DNAH8: variants seen among roughly 807,000 people sequenced by gnomAD.
DNAH8 encodes the protein dynein axonemal heavy chain 8.
Under a neutral mutation model 562.1 loss-of-function variants are expected in DNAH8, and 382 were observed. That is an observed-to-expected ratio of 0.68 (90% confidence interval 0.63 to 0.74). DNAH8 has a LOEUF of 0.74. Among genes scored for constraint, DNAH8 ranks in the 30% least tolerant of loss-of-function variants. The pLI is 0.00. For missense variants in DNAH8, 5,203 were observed against 5,620.4 expected (o/e 0.93, Z 2.37); for synonymous variants, 1,881 against 1,919.4 (o/e 0.98, Z 0.52).
chr6:38,848,912 T>C, intron 37 of DNAH8, 111 bp downstream of exon 37: 1 of 1,040,046 alleles, frequency 9.6e-7, no homozygotes, highest in Non-Finnish European at 1.4e-6. Flanking sequence ...ATGATGGGGT[T>C]TGGCAAACTA....
intron 67 of DNAH8, 145 bp downstream of exon 67, chr6:38,914,097 T>A: frequency 1.6e-6 from 1 of 621,158 alleles, no homozygotes; most frequent in Non-Finnish European, 2.8e-6. Context: ...CATTAGACAT[T>A]TTTGTTTAAC....
intron 62 of DNAH8, among the ~76,000 whole-genome samples, chr6:38,901,870 G>A (rs562838402): frequency 6.6e-6 from 1 of 152,162 alleles, no homozygotes; most frequent in South Asian, 2.1e-4. Context: ...TTTAAAAATC[G>A]GGAGGTTTCA....
In DNAH8 at chr6:38,715,427, G is replaced by C. The variant is rs984571000; in HGVS notation, c.-35+12G>C. ...CCAGAGAGCGGCTGGTGAGTACTTG[G>C]TCGGAGCGCGCTGTGAGCGCCCGGC... is the stretch of plus-strand genomic sequence containing the variant. On this transcript the variant is annotated intron_variant, in intron 1 of 92. Coordinates refer to ENST00000327475, the MANE Select transcript of DNAH8 (RefSeq NM_001206927.2). 1.3e-5 allele frequency: 2 copies of C among 152,372 alleles called. No homozygotes were observed. Among genetic ancestry groups the C allele is most frequent in the Non-Finnish European group, 2.9e-5 (2 of 68,152 alleles). 9.4% of individuals were successfully genotyped at this position (152,372 alleles called of 1,614,324 possible).
Position 38,984,308 on chromosome 6 carries a change from G to T in DNAH8, c.13053+1G>T. The T allele has an allele frequency of 6.3e-7, 1 of 1,583,050 alleles. No individual in the cohort carries two copies. Among genetic ancestry groups the T allele is most frequent in the Non-Finnish European group, 8.7e-7 (1 of 1,151,778 alleles). ...ACGTCTACTTAATTGCTTTGCCAGA[G>T]TAAGTCAATTTAGAAAAATAAAGTT... On this transcript the variant is annotated splice_donor_variant, in intron 87 of 92. Coordinates refer to ENST00000327475, the MANE Select transcript of DNAH8 (RefSeq NM_001206927.2). LOFTEE classifies it high-confidence loss of function.
chr6:39,025,722 CG>C (rs1352676522), intron 91 of DNAH8, among the ~76,000 whole-genome samples: 4 of 152,092 alleles, frequency 2.6e-5, no homozygotes, highest in Non-Finnish European at 5.9e-5. Context: ...CTAGGAGTAG[CG>C]GGAACACACA....
At chr6:38,880,471 G>T (rs1554125989) in intron 53 of DNAH8, among the ~76,000 whole-genome samples, 1 of 152,050 alleles carries the variant, frequency 6.6e-6, no homozygotes, top group South Asian at 2.1e-4. Flanking sequence ...CTCTTTTGCT[G>T]TTTAAAAGTC....
intron 86 of DNAH8, among the ~76,000 whole-genome samples, chr6:38,983,604 G>A (rs9394562): frequency 0.53 from 81,273 of 151,962 alleles, 22,625 homozygotes; most frequent in Middle Eastern, 0.63. Context: ...CTTATTTCTC[G>A]TAACTCAAAT....
At chr6:38,889,443 G>A (rs1385914956) in intron 57 of DNAH8, among the ~76,000 whole-genome samples, 1 of 152,178 alleles carries the variant, frequency 6.6e-6, no homozygotes, top group African/African-American at 2.4e-5. Context: ...AAGGATGAAC[G>A]TACAAGGGCT....
At chr6:38,867,231 A>ATGTGTGTGTGTGTGTGTG (rs70981595) in intron 47 of DNAH8, among the ~76,000 whole-genome samples, 2 of 148,420 alleles carry the variant, frequency 1.3e-5, no homozygotes, top group South Asian at 4.3e-4. Flanking sequence ...GTGTGTGTAT[A>ATGTGTGTGTGTGTGTGTG]TGTGTGTGTG....
chr6:38,923,904 C>T, intron 72 of DNAH8, 87 bp from the exon 73 acceptor site: 1 of 1,405,740 alleles, frequency 7.1e-7, no homozygotes, highest in East Asian at 2.3e-5. Context: ...AGGATTTCAC[C>T]CAGTAACAGA....
At chr6:38,810,915 T>A (rs771775226) in intron 24 of DNAH8, among the ~76,000 whole-genome samples, 3 of 152,148 alleles carry the variant, frequency 2.0e-5, no homozygotes, top group Non-Finnish European at 4.4e-5. Context: ...TTCATAACAT[T>A]TTGGCTGGAT....
intron 91 of DNAH8, 68 bp from the exon 92 acceptor site, chr6:39,026,478 A>G: frequency 1.3e-6 from 2 of 1,491,496 alleles, no homozygotes; most frequent in Non-Finnish European, 1.8e-6. Flanking sequence ...AACACTTAAC[A>G]TTGCTTCCTT....
intron 53 of DNAH8, among the ~76,000 whole-genome samples, chr6:38,882,267 T>C (rs1202121236): frequency 6.6e-6 from 1 of 152,204 alleles, no homozygotes; most frequent in African/African-American, 2.4e-5. Context: ...CATGCATATG[T>C]TCATTGCAGC....
chr6:38,821,000 G>A (rs918251891), intron 26 of DNAH8, among the ~76,000 whole-genome samples: 1 of 152,142 alleles, frequency 6.6e-6, no homozygotes, highest in African/African-American at 2.4e-5. Context: ...ATTAAGATAA[G>A]TGAACTAAAT....
intron 82 of DNAH8, among the ~76,000 whole-genome samples, chr6:38,970,594 G>A (rs1240293264): frequency 3.9e-5 from 6 of 152,120 alleles, no homozygotes; most frequent in African/African-American, 1.4e-4. Flanking sequence ...ATTAACCACA[G>A]GATGCCATTT....
chr6:39,011,225 C>G (rs545751373), intron 89 of DNAH8, among the ~76,000 whole-genome samples: 25 of 152,274 alleles, frequency 1.6e-4, no homozygotes, highest in African/African-American at 5.8e-4. Flanking sequence ...ATACTAGAGG[C>G]CTGTCCTATA....
In DNAH8 at chr6:38,898,641, AAGAAAGTATGGAGAACCTTT is replaced by A. The variant is rs1462696224; in HGVS notation, c.9063+279_9063+298del. Among the ~76,000 whole-genome samples, 3 of 152,206 alleles carry A rather than the reference AAGAAAGTATGGAGAACCTTT, an allele frequency of 2.0e-5. No individual in the cohort carries two copies. The East Asian group carries it at 5.8e-4, about 29-fold the overall frequency. ...AGAGCTTTTGGCACACTGAGTCAACAAGAAAGTATGGAGAACCTTTAGAAAGTATGGAGAACCCTGTGAAA... is the reference window on the plus strand; with the variant it reads ...AGAGCTTTTGGCACACTGAGTCAACAAGAAAGTATGGAGAACCCTGTGAAA... On this transcript the variant is annotated intron_variant, in intron 61 of 92. Transcript: ENST00000327475.
intron 91 of DNAH8, among the ~76,000 whole-genome samples, chr6:39,019,219 A>T (rs994694676): frequency 6.6e-6 from 1 of 152,134 alleles, no homozygotes; most frequent in South Asian, 2.1e-4. Flanking sequence ...GCACTCACAG[A>T]TGGAGAAATG....
intron 11 of DNAH8, chr6:38,764,365 G>A (rs1348998932): frequency 6.5e-6 from 1 of 153,192 alleles, no homozygotes. Flanking sequence ...AATTCAATAT[G>A]GGAAGTTATT....
Sources: gnomAD v4.1 joint callset for allele counts (sites outside exome capture counted in the v4.1 genomes callset) on GRCh38, gnomAD v4.1.1 for gene constraint, MANE v1.5 for transcripts, NCBI Gene and HGNC (gene_info 2026-07-23, HGNC 2026-07-21) for gene names.